Variants in MAPK8 observed in about 807,000 individuals in gnomAD.
MAPK8 encodes mitogen-activated protein kinase 8.
A neutral mutation model predicts 52.9 loss-of-function variants in MAPK8; 13 were observed. The ratio of observed to expected loss-of-function variants is 0.25; its 90% CI spans 0.16 to 0.39. The LOEUF (loss-of-function observed/expected upper bound fraction) is 0.39. Ranked by LOEUF, MAPK8 falls within the 10% of genes least tolerant of loss-of-function variation. MAPK8 has a pLI of 1.00. For synonymous variants in MAPK8, 191 were observed against 169.8 expected (o/e 1.12, Z -0.97); for missense variants, 300 against 519.2 (o/e 0.58, Z 4.10).
rs1445056460 is a variant in MAPK8, at chr10:48,316,777, A to G, written c.-50+9956A>G. 1.3e-5 allele frequency among the ~76,000 whole-genome samples: 2 copies of G among 152,214 alleles called. 1 individual carries two copies. Among genetic ancestry groups the G allele is most frequent in the African/African-American group, 4.8e-5 (2 of 41,456 alleles). ...ACTTCAGTAGAGATCTCATTGCTTA[A>G]TGGGGATTAAATAGTTTATTTTCTG... On this transcript the variant is annotated intron_variant, in intron 1 of 11. Transcript: ENST00000374189.
At position 48,406,332 on chromosome 10, in the gene MAPK8, C is replaced by T. The variant is rs113888329; in HGVS notation, c.252+1351C>T. 1.2e-4 allele frequency among the ~76,000 whole-genome samples: 18 copies of T among 152,306 alleles called. No individual in the cohort carries two copies. The South Asian group carries it at 3.7e-3, about 32-fold the overall frequency. On this transcript the variant is annotated intron_variant, in intron 3 of 11. Coordinates refer to ENST00000374189, the MANE Select transcript of MAPK8 (RefSeq NM_001323329.2). ...TCCATGGATAGAGCTGCTCGTGCCC[C>T]TTGTGGCCTGTGAACGCAGTTCCAT... is the stretch of plus-strand genomic sequence containing the variant.
chr10:48,407,456 G>A (rs1302779933), intron 3 of MAPK8, among the ~76,000 whole-genome samples: 1 of 152,060 alleles, frequency 6.6e-6, no homozygotes, highest in Non-Finnish European at 1.5e-5. Flanking sequence ...CCTGCTCTTG[G>A]TAATTGTTAC....
chr10:48,368,428 G>T (rs1409238734), intron 1 of MAPK8, among the ~76,000 whole-genome samples: 2 of 152,282 alleles, frequency 1.3e-5, no homozygotes, highest in African/African-American at 2.4e-5. Context: ...TCCTCTCCCC[G>T]CATGTTGGCT....
intron 2 of MAPK8, 78 bp downstream of exon 2, chr10:48,401,860 G>A: frequency 8.5e-7 from 1 of 1,172,692 alleles, no homozygotes; most frequent in Non-Finnish European, 1.1e-6. Context: ...AGATACCTTG[G>A]CAAATATTTA....
chr10:48,383,487 A>G (rs890984941), intron 1 of MAPK8, among the ~76,000 whole-genome samples: 1 of 152,222 alleles, frequency 6.6e-6, no homozygotes, highest in African/African-American at 2.4e-5. Context: ...CCTAAGCTAA[A>G]GATATTAACC....
At chr10:48,380,036 G>T (rs1472858812) in intron 1 of MAPK8, among the ~76,000 whole-genome samples, 4 of 150,908 alleles carry the variant, frequency 2.7e-5, no homozygotes, top group Admixed American at 6.6e-5. Context: ...GAGGTCAGTA[G>T]TTCGAGACCA....
At chr10:48,351,735 G>T (rs1291404184) in intron 1 of MAPK8, among the ~76,000 whole-genome samples, 1 of 152,126 alleles carries the variant, frequency 6.6e-6, no homozygotes, top group African/African-American at 2.4e-5. Context: ...AAATCATCAG[G>T]AGTAAAATAA....
chr10:48,385,331 A>T (rs577118102), intron 1 of MAPK8, among the ~76,000 whole-genome samples: 184 of 152,280 alleles, frequency 1.2e-3, no homozygotes, highest in African/African-American at 4.2e-3. Flanking sequence ...GACATTCATG[A>T]ATCAAAAAAC....
intron 1 of MAPK8, among the ~76,000 whole-genome samples, chr10:48,343,718 T>C (rs1035695884): frequency 1.3e-5 from 2 of 152,194 alleles, no homozygotes; most frequent in African/African-American, 4.8e-5. Flanking sequence ...TCTTGATTGC[T>C]TTTTCTCTGT....
At chr10:48,334,551 AT>A (rs1844479193) in intron 1 of MAPK8, among the ~76,000 whole-genome samples, 1 of 152,020 alleles carries the variant, frequency 6.6e-6, no homozygotes, top group African/African-American at 2.4e-5. Flanking sequence ...TTTTCTCCGT[AT>A]GTCACCTCCA....
intron 1 of MAPK8, among the ~76,000 whole-genome samples, chr10:48,318,240 T>C (rs887014031): frequency 6.6e-6 from 1 of 152,164 alleles, no homozygotes; most frequent in Non-Finnish European, 1.5e-5. Flanking sequence ...TACCAAGTGA[T>C]TGGATGAGGC....
rs144450289 is a variant in MAPK8, at chr10:48,363,064, C to A, written c.-49-38548C>A. On this transcript the variant is annotated intron_variant, in intron 1 of 11. Coordinates refer to ENST00000374189, the MANE Select transcript of MAPK8 (RefSeq NM_001323329.2). ...TGGTATTTATTTTTTAGAAATGGGGCCTCGCTGTGTTGCCCAGACTGGAGT... is the reference window on the plus strand; with the variant it reads ...TGGTATTTATTTTTTAGAAATGGGGACTCGCTGTGTTGCCCAGACTGGAGT... 2.2e-4 allele frequency among the ~76,000 whole-genome samples: 33 copies of A among 151,608 alleles called. No individual in the cohort carries two copies. The East Asian group carries it at 5.3e-3, about 24-fold the overall frequency.
intron 6 of MAPK8, among the ~76,000 whole-genome samples, chr10:48,420,882 C>A (rs546941497): frequency 1.2e-4 from 18 of 152,224 alleles, no homozygotes; most frequent in Non-Finnish European, 1.9e-4. Context: ...ATGGGTATAT[C>A]CAGTTGTATC....
At position 48,437,247 on chromosome 10, in the gene MAPK8, C is replaced by T. The variant is rs964259341; in HGVS notation, c.*2218C>T. The T allele has an allele frequency of 6.6e-6, 1 of 152,118 alleles. No individual in the cohort carries two copies. The highest frequency in any genetic ancestry group is 1.5e-5 in the Non-Finnish European group (1 of 68,026). 9.4% of individuals were successfully genotyped at this position (152,118 alleles called of 1,614,324 possible). A position where few individuals can be genotyped will look rare whatever the true frequency, so the allele number is the denominator to read the frequency against. On this transcript the variant is annotated 3_prime_UTR_variant, in exon 12 of 12. Coordinates refer to ENST00000374189, the MANE Select transcript of MAPK8 (RefSeq NM_001323329.2). ...AGGTCTCTTTGTTAAATGTTGCATG[C>T]CCTAGGTTTTAAATTACTACATCCA...
intron 1 of MAPK8, among the ~76,000 whole-genome samples, chr10:48,376,839 C>A (rs1287552880): frequency 6.6e-6 from 1 of 152,178 alleles, no homozygotes; most frequent in Non-Finnish European, 1.5e-5. Flanking sequence ...GCTAGAAATA[C>A]TATTTGACCC....
chr10:48,434,816 G>T (rs1008090884), intron 11 of MAPK8, 68 bp from the exon 12 acceptor site: 3 of 1,415,998 alleles, frequency 2.1e-6, no homozygotes, highest in Non-Finnish European at 2.9e-6. Context: ...GAGGCAGTCA[G>T]TGCAGTGCAA....
intron 3 of MAPK8, among the ~76,000 whole-genome samples, chr10:48,408,034 G>A (rs1201203122): frequency 1.3e-5 from 2 of 151,972 alleles, no homozygotes; most frequent in Non-Finnish European, 2.9e-5. Context: ...TTATTTTTCC[G>A]AATTTATTCA....
chr10:48,357,856 C>G (rs988766828), intron 1 of MAPK8, among the ~76,000 whole-genome samples: 1 of 152,198 alleles, frequency 6.6e-6, no homozygotes, highest in African/African-American at 2.4e-5. Context: ...GTAGTCACTC[C>G]TCATTCCCCT....
At chr10:48,414,568 ATTT>A (rs3047769) in intron 5 of MAPK8, among the ~76,000 whole-genome samples, 14,116 of 87,984 alleles carry the variant, frequency 0.16, 798 homozygotes, top group South Asian at 0.25. Flanking sequence ...GTTGAAAAGA[ATTT>A]TTTTTTTTTT....
Sources: allele counts gnomAD v4.1 joint callset (sites outside exome capture counted in the v4.1 genomes callset), GRCh38; gene constraint gnomAD v4.1.1; transcripts MANE v1.5; gene names NCBI Gene and HGNC (gene_info 2026-07-23, HGNC 2026-07-21).